Variants in ADGRB3 observed in about 807,000 individuals in gnomAD.
The protein encoded by ADGRB3 is adhesion G protein-coupled receptor B3.
A neutral mutation model predicts 193.4 loss-of-function variants in ADGRB3; 37 were observed. The ratio of observed to expected loss-of-function variants is 0.19; its 90% confidence interval spans 0.15 to 0.25. The LOEUF is 0.25. Ranked by LOEUF, ADGRB3 falls within the 10% of genes least tolerant of loss-of-function variation. The pLI is 1.00. For synonymous variants in ADGRB3, 690 were observed against 644.2 expected (o/e 1.07, Z -1.08); for missense variants, 1,637 against 1,852.9 (o/e 0.88, Z 2.14).
intron 3 of ADGRB3, among the ~76,000 whole-genome samples, chr6:68,662,373 G>A (rs73461954): frequency 0.011 from 1,742 of 151,560 alleles, 36 homozygotes; most frequent in African/African-American, 0.038. Flanking sequence ...AAGATAAAGA[G>A]AGAATTTAAG....
rs80131638 is a variant in ADGRB3 at position 68,685,441 on chromosome 6, A to C, written c.757+46009A>C. 6.4e-3 allele frequency among the ~76,000 whole-genome samples: 970 copies of C among 152,216 alleles called. 18 individuals are homozygous for C. The highest frequency in any genetic ancestry group is 0.022 in the African/African-American group (926 of 41,544). Reference sequence around the variant, plus strand: ...AGGTGGAAATAGAAAATTTAAAGCAATAGAACATAGAAAAAATAGAAAGAC... The same window carrying C: ...AGGTGGAAATAGAAAATTTAAAGCACTAGAACATAGAAAAAATAGAAAGAC... On this transcript the variant is annotated intron_variant, in intron 3 of 31. Coordinates refer to ENST00000370598, the MANE Select transcript of ADGRB3 (RefSeq NM_001704.3).
At chr6:69,028,919 C>A (rs1276221177) in intron 13 of ADGRB3, among the ~76,000 whole-genome samples, 1 of 152,106 alleles carries the variant, frequency 6.6e-6, no homozygotes, top group Non-Finnish European at 1.5e-5. Flanking sequence ...ATAGCATGCC[C>A]CAAATTAATG....
chr6:68,882,814 T>A (rs1187758538), intron 3 of ADGRB3, among the ~76,000 whole-genome samples: 1 of 152,186 alleles, frequency 6.6e-6, no homozygotes, highest in East Asian at 1.9e-4. Flanking sequence ...AAAGAGTCCC[T>A]TAATGGTTAT....
intron 3 of ADGRB3, among the ~76,000 whole-genome samples, chr6:68,774,677 G>A (rs187027300): frequency 2.6e-5 from 4 of 151,794 alleles, no homozygotes; most frequent in East Asian, 3.9e-4. Context: ...TAATGCTTCA[G>A]TTACTTATTT....
chr6:68,733,958 C>T (rs576035867), intron 3 of ADGRB3, among the ~76,000 whole-genome samples: 2 of 151,950 alleles, frequency 1.3e-5, no homozygotes, highest in East Asian at 3.9e-4. Context: ...TGTATCAAAA[C>T]ATCTCATAGA....
chr6:69,259,137 G>A (rs1196021982), intron 20 of ADGRB3, among the ~76,000 whole-genome samples: 1 of 152,128 alleles, frequency 6.6e-6, no homozygotes, highest in Non-Finnish European at 1.5e-5. Context: ...CAGGAATCCA[G>A]CAAAGCCAAA....
chr6:69,000,381 G>A (rs1009811594), intron 11 of ADGRB3, among the ~76,000 whole-genome samples: 3 of 152,078 alleles, frequency 2.0e-5, no homozygotes, highest in Non-Finnish European at 4.4e-5. Flanking sequence ...TTTTATGTGC[G>A]TTTCAGTTAA....
At chr6:68,939,371 A>G (rs984140955) in intron 5 of ADGRB3, among the ~76,000 whole-genome samples, 1 of 152,048 alleles carries the variant, frequency 6.6e-6, no homozygotes, top group Non-Finnish European at 1.5e-5. Context: ...CAAACCTTTT[A>G]CCCTTACACC....
chr6:68,871,612 T>G (rs1203168420), intron 3 of ADGRB3, among the ~76,000 whole-genome samples: 2 of 152,160 alleles, frequency 1.3e-5, no homozygotes, highest in Non-Finnish European at 2.9e-5. Context: ...ATTTGTATTT[T>G]AAGTTGACTT....
chr6:69,376,308 G>A (rs1042616154), intron 30 of ADGRB3, among the ~76,000 whole-genome samples: 16 of 151,552 alleles, frequency 1.1e-4, no homozygotes, highest in African/African-American at 3.9e-4. Context: ...ATGTTGCCCA[G>A]GCCAGTCTCG....
At chr6:68,706,878 G>A (rs760307775) in intron 3 of ADGRB3, among the ~76,000 whole-genome samples, 12 of 152,074 alleles carry the variant, frequency 7.9e-5, no homozygotes, top group African/African-American at 2.2e-4. Flanking sequence ...TTGGGAGGCC[G>A]AGGCAAGCAG....
intron 3 of ADGRB3, among the ~76,000 whole-genome samples, chr6:68,659,145 A>T (rs182881101): frequency 1.1e-3 from 169 of 151,250 alleles, no homozygotes; most frequent in African/African-American, 3.7e-3. Context: ...ATCCATTCTA[A>T]CTAAAATAAT....
intron 3 of ADGRB3, among the ~76,000 whole-genome samples, chr6:68,762,592 A>G (rs914172947): frequency 2.6e-5 from 4 of 152,080 alleles, no homozygotes; most frequent in African/African-American, 9.7e-5. Context: ...TTGAAAAGGT[A>G]AAAGAAAGTA....
intron 17 of ADGRB3, among the ~76,000 whole-genome samples, chr6:69,127,754 A>C (rs1381790467): frequency 3.3e-5 from 5 of 152,212 alleles, no homozygotes; most frequent in African/African-American, 1.2e-4. Flanking sequence ...CTTTTAAAAA[A>C]TTCTGGATAT....
intron 3 of ADGRB3, among the ~76,000 whole-genome samples, chr6:68,869,322 C>A (rs925695740): frequency 2.0e-5 from 3 of 151,892 alleles, no homozygotes; most frequent in Non-Finnish European, 4.4e-5. Context: ...TGACTAAAGC[C>A]ATAGTTAAAA....
chr6:69,043,287 A>G (rs1771127655), intron 13 of ADGRB3, among the ~76,000 whole-genome samples: 2 of 25,992 alleles, frequency 7.7e-5, no homozygotes, highest in Non-Finnish European at 1.8e-4. Context: ...AAAGGAAGAA[A>G]GAGAGAAAGA....
At chr6:68,891,435 C>T (rs1582289333) in intron 3 of ADGRB3, among the ~76,000 whole-genome samples, 1 of 151,994 alleles carries the variant, frequency 6.6e-6, no homozygotes, top group Non-Finnish European at 1.5e-5. Flanking sequence ...CAATGCTGGT[C>T]TGGAATGAAT....
At chr6:68,895,246 C>A (rs993233033) in intron 3 of ADGRB3, among the ~76,000 whole-genome samples, 1 of 148,344 alleles carries the variant, frequency 6.7e-6, no homozygotes, top group African/African-American at 2.5e-5. Context: ...TAGTTCAATG[C>A]TGTGAAGAGT....
At chr6:69,302,609 C>T (rs1204641063) in intron 20 of ADGRB3, among the ~76,000 whole-genome samples, 2 of 151,848 alleles carry the variant, frequency 1.3e-5, no homozygotes, top group African/African-American at 4.8e-5. Context: ...ATATTTAAAG[C>T]TATTACACAC....
Sources: allele counts gnomAD v4.1 joint callset (sites outside exome capture counted in the v4.1 genomes callset), GRCh38; gene constraint gnomAD v4.1.1; transcripts MANE v1.5; gene names NCBI Gene and HGNC (gene_info 2026-07-23, HGNC 2026-07-21).